Variants in GRIP1 observed in about 807,000 individuals in gnomAD.
GRIP1 encodes glutamate receptor-interacting protein 1.
Under a neutral mutation model 129.9 loss-of-function variants are expected in GRIP1, and 45 were observed. The observed-to-expected ratio is 0.35, with a 90% CI of 0.27 to 0.44. The LOEUF (loss-of-function observed/expected upper bound fraction) is 0.44. Ranked by LOEUF, GRIP1 falls within the 20% of genes least tolerant of loss-of-function variation. The pLI is 1.00. For missense variants in GRIP1, 1,196 were observed against 1,396.8 expected, an observed-to-expected ratio of 0.86 and a Z score of 2.29; for synonymous variants, 530 against 520.8, an observed-to-expected ratio of 1.02 and a Z score of -0.24.
chr12:66,637,301 C>A (rs1406126749), intron 1 of GRIP1, among the ~76,000 whole-genome samples: 1 of 151,890 alleles, frequency 6.6e-6, no homozygotes, highest in Admixed American at 6.6e-5. Context: ...ATGATGAAAT[C>A]TTTGAGGGAT....
Position 66,445,451 on chromosome 12 carries a change from G to A in GRIP1, c.1412C>T (p.Thr471Ile). Residue 471 changes from threonine (T) to isoleucine (I), a missense_variant, in exon 12 of 25, where the codon ACA becomes ATA. Physicochemically the swap from Thr to Ile is moderately conservative, Grantham distance 89. This residue lies in a region of GRIP1 where 508 missense variants were observed against 587.0 expected (regional missense o/e 0.87). Transcript: ENST00000359742. The part of the protein sequence containing the change: ...LAGQVVHTET[T>I]EVVLTADPVT... ...AGGATCTGCCGTCAGCACAACCTCT[G>A]TGGTTTCTGTGTGAACAACCTGCCC... 1 of 1,614,104 alleles carries A rather than the reference G, an allele frequency of 6.2e-7. No individual in the cohort carries two copies. The highest frequency in any genetic ancestry group is 1.1e-5 in the South Asian group (1 of 91,076).
chr12:67,009,683 T>C (rs1416760831), intron 1 of GRIP1, among the ~76,000 whole-genome samples: 2 of 152,168 alleles, frequency 1.3e-5, no homozygotes, highest in Non-Finnish European at 2.9e-5. Flanking sequence ...TCAAATAGAC[T>C]ACAACCTGTT....
chr12:66,583,947 A>T (rs1223919418), intron 2 of GRIP1, among the ~76,000 whole-genome samples: 1 of 138,844 alleles, frequency 7.2e-6, no homozygotes, highest in East Asian at 2.1e-4. Context: ...TGCTATAAAG[A>T]CACATGCACA....
rs375556163 is a variant in GRIP1, at chr12:66,937,479, T to C, written c.58+131571A>G. 1.6e-3 allele frequency among the ~76,000 whole-genome samples: 249 copies of C among 152,334 alleles called. 1 individual carries two copies. The highest frequency in any genetic ancestry group is 5.3e-3 in the African/African-American group (220 of 41,564). On this transcript the variant is annotated intron_variant, in intron 1 of 1. Transcript: ENST00000643019. ...AATAAATATTTGACATATGGATCAA[T>C]GGTAGTTTTTCTGAGATCTGGTAGG...
At chr12:66,735,358 T>C (rs6421223) in intron 1 of GRIP1, among the ~76,000 whole-genome samples, 2 of 151,980 alleles carry the variant, frequency 1.3e-5, no homozygotes, top group African/African-American at 2.4e-5. Context: ...GACTGCAAGA[T>C]AAAGAGTAAT....
At chr12:66,970,364 G>A (rs1010132440) in intron 1 of GRIP1, among the ~76,000 whole-genome samples, 1 of 152,160 alleles carries the variant, frequency 6.6e-6, no homozygotes, top group Admixed American at 6.6e-5. Flanking sequence ...TTATAGGCAT[G>A]AGCCATGTGC....
chr12:66,540,895 T>G (rs2061756795), intron 3 of GRIP1, among the ~76,000 whole-genome samples: 1 of 152,134 alleles, frequency 6.6e-6, no homozygotes, highest in Admixed American at 6.5e-5. Context: ...CCTGGGCGGA[T>G]TCAAGTGATT....
intron 1 of GRIP1, among the ~76,000 whole-genome samples, chr12:67,000,049 T>C (rs184409543): frequency 6.6e-6 from 1 of 152,340 alleles, no homozygotes; most frequent in Non-Finnish European, 1.5e-5. Context: ...GAGTGACAGA[T>C]CATATGACAG....
At chr12:66,367,374 A>G (rs1377831491) in intron 23 of GRIP1, among the ~76,000 whole-genome samples, 1 of 152,218 alleles carries the variant, frequency 6.6e-6, no homozygotes, top group Non-Finnish European at 1.5e-5. Context: ...GCAAAACCTA[A>G]GGGAGTGATT....
intron 1 of GRIP1, among the ~76,000 whole-genome samples, chr12:66,661,242 T>C (rs189120728): frequency 6.6e-6 from 1 of 152,206 alleles, no homozygotes. Flanking sequence ...AAGAGCTTCC[T>C]ATGCTGAATA....
chr12:66,513,825 G>T (rs1392279624), intron 7 of GRIP1, among the ~76,000 whole-genome samples: 1 of 152,092 alleles, frequency 6.6e-6, no homozygotes, highest in Non-Finnish European at 1.5e-5. Context: ...AACAGGTAGG[G>T]ACACCCCATT....
At chr12:66,446,641 T>A (rs1411464389) in intron 11 of GRIP1, among the ~76,000 whole-genome samples, 2 of 152,212 alleles carry the variant, frequency 1.3e-5, no homozygotes, top group Non-Finnish European at 2.9e-5. Context: ...CTCCCCCTTT[T>A]CTTCATGACT....
chr12:66,538,885 G>A (rs1346139272), intron 4 of GRIP1, among the ~76,000 whole-genome samples, 193 bp downstream of exon 4: 1 of 152,150 alleles, frequency 6.6e-6, no homozygotes, highest in East Asian at 1.9e-4. Flanking sequence ...TTATAGACGT[G>A]AGCCACCGCG....
At chr12:66,996,051 T>C (rs1008495368) in intron 1 of GRIP1, among the ~76,000 whole-genome samples, 2 of 152,120 alleles carry the variant, frequency 1.3e-5, no homozygotes, top group Non-Finnish European at 2.9e-5. Flanking sequence ...AGACCACATA[T>C]TGTATGAATC....
intron 1 of GRIP1, among the ~76,000 whole-genome samples, chr12:66,721,968 A>T (rs1166279598): frequency 1.3e-5 from 2 of 152,206 alleles, no homozygotes; most frequent in African/African-American, 2.4e-5. Context: ...GAAGAGGGTT[A>T]GGGCATTGCT....
intron 2 of GRIP1, among the ~76,000 whole-genome samples, chr12:66,585,999 G>A (rs115572517): frequency 0.013 from 2,011 of 152,050 alleles, 48 homozygotes; most frequent in African/African-American, 0.046. Flanking sequence ...TATATCATCC[G>A]CATCAGCACA....
chr12:66,560,713 T>C (rs1257812182), intron 2 of GRIP1, among the ~76,000 whole-genome samples: 1 of 152,134 alleles, frequency 6.6e-6, no homozygotes, highest in Non-Finnish European at 1.5e-5. Flanking sequence ...TGTACACTGT[T>C]GGTGGGAATA....
rs1028258540 is a variant in GRIP1, at chr12:66,719,418, T to C, written c.-420+84635A>G. Among the ~76,000 whole-genome samples the C allele has an allele frequency of 2.0e-5, 3 of 152,202 alleles. No individual in the cohort carries two copies. In the South Asian group the frequency reaches 6.2e-4, roughly 31 times the overall value. On this transcript the variant is annotated intron_variant, in intron 1 of 4. Transcript: ENST00000538373. Reference sequence around the variant, plus strand: ...ATGTTAACCAGTGAGTGATGGTTTATAAGCTAGGAGTAAATGACTTCTAAG... The same window carrying C: ...ATGTTAACCAGTGAGTGATGGTTTACAAGCTAGGAGTAAATGACTTCTAAG...
chr12:66,718,234 T>C (rs1422240930), intron 1 of GRIP1, among the ~76,000 whole-genome samples: 1 of 152,126 alleles, frequency 6.6e-6, no homozygotes, highest in East Asian at 1.9e-4. Context: ...CACCACTGGA[T>C]ACATAAGTTG....
Sources: gnomAD v4.1 joint callset for allele counts (sites outside exome capture counted in the v4.1 genomes callset) on GRCh38, gnomAD v4.1.1 for gene constraint, gnomAD v4.1.1 regional missense constraint, MANE v1.5 for transcripts, NCBI Gene and HGNC (gene_info 2026-07-23, HGNC 2026-07-21) for gene names.